The following HYAL4 variants were observed in gnomAD, a reference collection of about 807,000 sequenced individuals.
The protein encoded by HYAL4 is hyaluronidase-4.
In HYAL4, 37 loss-of-function variants were observed where a neutral mutation model predicts 35.2. The observed-to-expected ratio is 1.05, with a 90% CI of 0.81 to 1.38. The LOEUF (loss-of-function observed/expected upper bound fraction) is 1.38. Among genes scored for constraint, HYAL4 ranks in the 40% most tolerant of loss-of-function variants. HYAL4 has a pLI of 0.00. For synonymous variants in HYAL4, 198 were observed against 203.2 expected, an observed-to-expected ratio of 0.97 and a Z score of 0.22; for missense variants, 572 against 572.4, an observed-to-expected ratio of 1.00 and a Z score of 0.01.
At chr7:123,799,038 A>G in the HYAL4 span, among the ~76,000 whole-genome samples, 8 of 152,318 alleles carry the variant, frequency 5.3e-5, no homozygotes, top group Non-Finnish European at 1.0e-4. Context: ...GCTTGCAACT[A>G]GACTGAAGGG....
At chr7:123,864,738 CAG>C (rs769474375) in intron 2 of HYAL4, among the ~76,000 whole-genome samples, 3 of 151,336 alleles carry the variant, frequency 2.0e-5, no homozygotes, top group East Asian at 2.0e-4. Context: ...ACAAGAGAAA[CAG>C]AGATTGCATG....
At chr7:123,794,338 G>A in the HYAL4 span, among the ~76,000 whole-genome samples, 2 of 152,324 alleles carry the variant, frequency 1.3e-5, no homozygotes, top group African/African-American at 2.4e-5. Context: ...CAAGCCAGCT[G>A]TAGAAATTGG....
chr7:123,775,168 C>CA, the HYAL4 span, among the ~76,000 whole-genome samples: 4 of 152,208 alleles, frequency 2.6e-5, no homozygotes, highest in Admixed American at 6.5e-5. Flanking sequence ...CATGGTGGCT[C>CA]ACGCCTGTAA....
At chr7:123,767,588 TA>T in the HYAL4 span, among the ~76,000 whole-genome samples, 1 of 151,904 alleles carries the variant, frequency 6.6e-6, no homozygotes, top group African/African-American at 2.4e-5. Context: ...ACAAAACAAA[TA>T]AAAAAAACTC....
the HYAL4 span, among the ~76,000 whole-genome samples, chr7:123,769,848 A>G: frequency 2.0e-5 from 3 of 151,974 alleles, no homozygotes; most frequent in Non-Finnish European, 2.9e-5. Flanking sequence ...ACCGTTAAAC[A>G]AAAAGTTGAC....
At chr7:123,788,099 C>G in the HYAL4 span, among the ~76,000 whole-genome samples, 1 of 152,280 alleles carries the variant, frequency 6.6e-6, no homozygotes, top group South Asian at 2.1e-4. Context: ...AGGAGGATCA[C>G]TTGAGCCCTG....
the HYAL4 span, among the ~76,000 whole-genome samples, chr7:123,796,541 G>C: frequency 1.3e-5 from 2 of 152,052 alleles, no homozygotes; most frequent in African/African-American, 4.8e-5. Flanking sequence ...CAGGCAGTCT[G>C]TTGACACACA....
At chr7:123,789,719 C>CA in the HYAL4 span, among the ~76,000 whole-genome samples, 1 of 152,054 alleles carries the variant, frequency 6.6e-6, no homozygotes, top group Non-Finnish European at 1.5e-5. Flanking sequence ...TTGGATTAGT[C>CA]AGAGTTCTCC....
At chr7:123,796,779 A>G in the HYAL4 span, among the ~76,000 whole-genome samples, 1 of 152,240 alleles carries the variant, frequency 6.6e-6, no homozygotes, top group Admixed American at 6.5e-5. Context: ...GTGCCAATAC[A>G]TATTACATAC....
At chr7:123,790,772 A>AT in the HYAL4 span, 10,485 of 148,948 alleles carry the variant, frequency 0.07, 458 homozygotes, top group East Asian at 0.15. Flanking sequence ...AATATGAGTA[A>AT]TTTTTTTTTT....
At chr7:123,783,180 C>T in the HYAL4 span, among the ~76,000 whole-genome samples, 1 of 152,172 alleles carries the variant, frequency 6.6e-6, no homozygotes, top group Non-Finnish European at 1.5e-5. Flanking sequence ...AATATTCATC[C>T]CATGCGTCCT....
chr7:123,782,973 A>AT, the HYAL4 span, among the ~76,000 whole-genome samples: 1 of 151,928 alleles, frequency 6.6e-6, no homozygotes, highest in Non-Finnish European at 1.5e-5. Flanking sequence ...AGGAATAACA[A>AT]TTTTTTATCA....
intron 2 of HYAL4, among the ~76,000 whole-genome samples, chr7:123,865,610 G>C (rs1171727223): frequency 6.6e-6 from 1 of 152,036 alleles, no homozygotes; most frequent in Admixed American, 6.6e-5. Context: ...ATTTACTTAG[G>C]CCTTCTTAAA....
At chr7:123,769,086 G>T in the HYAL4 span, among the ~76,000 whole-genome samples, 1 of 152,114 alleles carries the variant, frequency 6.6e-6, no homozygotes, top group Non-Finnish European at 1.5e-5. Flanking sequence ...ATCATCACAG[G>T]GAGAGAAACA....
At chr7:123,765,568 GAATA>G in the HYAL4 span, among the ~76,000 whole-genome samples, 2 of 151,976 alleles carry the variant, frequency 1.3e-5, no homozygotes, top group African/African-American at 2.4e-5. Flanking sequence ...ATCTGCTAAT[GAATA>G]GTTTGTATTT....
At chr7:123,818,260 C>G in the HYAL4 span, among the ~76,000 whole-genome samples, 1 of 152,142 alleles carries the variant, frequency 6.6e-6, no homozygotes, top group South Asian at 2.1e-4. Context: ...TTTTTACTTT[C>G]CAAATTCTGT....
chr7:123,764,615 C>T, the HYAL4 span, among the ~76,000 whole-genome samples: 1 of 152,260 alleles, frequency 6.6e-6, no homozygotes, highest in East Asian at 1.9e-4. Flanking sequence ...GAGTGAGTGA[C>T]GAAGGGAAGA....
the HYAL4 span, among the ~76,000 whole-genome samples, chr7:123,778,877 TC>T: frequency 1.3e-5 from 2 of 152,200 alleles, no homozygotes; most frequent in African/African-American, 4.8e-5. Context: ...TAATTACACT[TC>T]CTCATACTCT....
chr7:123,772,675 G>A, the HYAL4 span, among the ~76,000 whole-genome samples: 2 of 152,208 alleles, frequency 1.3e-5, no homozygotes, highest in Admixed American at 6.5e-5. Flanking sequence ...TGCATGTGGT[G>A]TAGAAATTGT....
Sources: gnomAD v4.1 joint callset for allele counts (sites outside exome capture counted in the v4.1 genomes callset) on GRCh38, gnomAD v4.1.1 for gene constraint, MANE v1.5 for transcripts, NCBI Gene and HGNC (gene_info 2026-07-23, HGNC 2026-07-21) for gene names.